The following MECOM variants were observed in gnomAD, a reference collection of about 807,000 sequenced individuals.
The protein encoded by MECOM is MDS1 and EVI1 complex locus.
A neutral mutation model predicts 116.3 loss-of-function variants in MECOM; 13 were observed. The observed-to-expected ratio is 0.11, with a 90% CI of 0.07 to 0.18. The LOEUF is 0.18. Ranked by LOEUF, MECOM falls within the 10% of genes least tolerant of loss-of-function variation. MECOM has a pLI of 1.00. For missense variants in MECOM, 1,299 were observed against 1,509.0 expected (o/e 0.86, Z 2.31); for synonymous variants, 528 against 535.2 (o/e 0.99, Z 0.19).
intron 1 of MECOM, among the ~76,000 whole-genome samples, chr3:169,415,900 A>C (rs1280320021): frequency 6.6e-6 from 1 of 152,182 alleles, no homozygotes; most frequent in Non-Finnish European, 1.5e-5. Flanking sequence ...CTACAAAGAG[A>C]CTTAGACTCC....
chr3:169,135,849 T>C (rs1353976483), intron 3 of MECOM, among the ~76,000 whole-genome samples: 1 of 151,900 alleles, frequency 6.6e-6, no homozygotes, highest in African/African-American at 2.4e-5. Context: ...AACAGATTTC[T>C]TCATGTTCTT....
At chr3:169,391,286 G>A (rs1447755591) in intron 1 of MECOM, among the ~76,000 whole-genome samples, 1 of 152,122 alleles carries the variant, frequency 6.6e-6, no homozygotes, top group Admixed American at 6.6e-5. Context: ...GTTCTCACAA[G>A]GTTTGGTAAC....
chr3:169,169,308 A>G (rs996122868), intron 2 of MECOM, among the ~76,000 whole-genome samples: 2 of 152,220 alleles, frequency 1.3e-5, no homozygotes, highest in Admixed American at 6.5e-5. Context: ...AGTAGAAGAA[A>G]GACTTGAAAC....
intron 2 of MECOM, among the ~76,000 whole-genome samples, chr3:169,231,384 T>G (rs1753373277): frequency 6.6e-6 from 1 of 152,106 alleles, no homozygotes. Context: ...GAACTTATAT[T>G]CTGGCAGGAC....
chr3:169,238,105 G>T (rs1754323038), intron 2 of MECOM, among the ~76,000 whole-genome samples: 1 of 149,076 alleles, frequency 6.7e-6, no homozygotes, highest in Admixed American at 6.8e-5. Flanking sequence ...AACCCAGGGG[G>T]CAAAGGTTGG....
intron 2 of MECOM, among the ~76,000 whole-genome samples, chr3:169,245,998 A>G (rs2149567608): frequency 6.6e-6 from 1 of 152,264 alleles, no homozygotes; most frequent in Non-Finnish European, 1.5e-5. Context: ...ATTTCTCTTT[A>G]GAGTTAATGG....
intron 2 of MECOM, among the ~76,000 whole-genome samples, chr3:169,171,141 A>G (rs1402849709): frequency 2.6e-5 from 4 of 152,180 alleles, no homozygotes; most frequent in African/African-American, 9.6e-5. Context: ...ATACATACTA[A>G]TTTTCTATCA....
intron 5 of MECOM, among the ~76,000 whole-genome samples, chr3:169,126,627 A>G (rs952810215): frequency 1.3e-5 from 2 of 152,200 alleles, no homozygotes; most frequent in African/African-American, 4.8e-5. Context: ...TTACTCTCTA[A>G]TAGCTAAATT....
In MECOM at chr3:169,431,806, C is replaced by T. The variant is rs552243517; in HGVS notation, c.38-50282G>A. On this transcript the variant is annotated intron_variant, in intron 1 of 16. Coordinates refer to ENST00000651503, the MANE Select transcript of MECOM (RefSeq NM_004991.4). Reference sequence around the variant, plus strand: ...AAATGGCTAAGAGCATCCAGCATACCAGGTAAATGAGGTGTAAGGCAACAC... The same window carrying T: ...AAATGGCTAAGAGCATCCAGCATACTAGGTAAATGAGGTGTAAGGCAACAC... 2.0e-5 allele frequency among the ~76,000 whole-genome samples: 3 copies of T among 152,090 alleles called. No individual in the cohort carries two copies. In the South Asian group the frequency reaches 6.3e-4, roughly 32 times the overall value.
At chr3:169,503,336 T>C (rs1754779836) in intron 1 of MECOM, among the ~76,000 whole-genome samples, 1 of 152,160 alleles carries the variant, frequency 6.6e-6, no homozygotes, top group African/African-American at 2.4e-5. Context: ...TTGGACTCTA[T>C]GACAACTAGA....
intron 1 of MECOM, among the ~76,000 whole-genome samples, chr3:169,538,969 G>A (rs1284062675): frequency 6.6e-6 from 1 of 151,574 alleles, no homozygotes; most frequent in East Asian, 1.9e-4. Flanking sequence ...CTCAAGTCCT[G>A]TAAATTAGAC....
chr3:169,393,536 CA>C (rs1159396027), intron 1 of MECOM, among the ~76,000 whole-genome samples: 1 of 152,022 alleles, frequency 6.6e-6, no homozygotes, highest in African/African-American at 2.4e-5. Context: ...AAAGAATACC[CA>C]AAACTCACAT....
At chr3:169,494,456 T>C (rs1302560766) in intron 1 of MECOM, among the ~76,000 whole-genome samples, 1 of 152,188 alleles carries the variant, frequency 6.6e-6, no homozygotes, top group Non-Finnish European at 1.5e-5. Flanking sequence ...CCACAAGTTC[T>C]AACTGTTGAG....
At chr3:169,151,393 A>C (rs886923236) in intron 2 of MECOM, among the ~76,000 whole-genome samples, 2 of 152,348 alleles carry the variant, frequency 1.3e-5, no homozygotes, top group African/African-American at 2.4e-5. Context: ...TTTATAGAGG[A>C]AGGCACTTTA....
intron 1 of MECOM, among the ~76,000 whole-genome samples, chr3:169,450,082 A>T (rs1299973725): frequency 6.6e-6 from 1 of 152,214 alleles, no homozygotes; most frequent in African/African-American, 2.4e-5. Flanking sequence ...TGTCTAGGGA[A>T]TAAAGAATAT....
intron 10 of MECOM, among the ~76,000 whole-genome samples, chr3:169,105,973 T>C (rs1560156581): frequency 6.6e-6 from 1 of 152,168 alleles, no homozygotes; most frequent in Non-Finnish European, 1.5e-5. Context: ...CAGCCAATAA[T>C]TGATGACAAA....
chr3:169,352,513 AT>A (rs889525162), intron 2 of MECOM, among the ~76,000 whole-genome samples: 1 of 151,716 alleles, frequency 6.6e-6, no homozygotes, highest in African/African-American at 2.4e-5. Flanking sequence ...TCCTTGCAAT[AT>A]TTTTTTTCTG....
chr3:169,456,496 A>G (rs1273025059), intron 1 of MECOM, among the ~76,000 whole-genome samples: 1 of 152,210 alleles, frequency 6.6e-6, no homozygotes, highest in Non-Finnish European at 1.5e-5. Context: ...CAACAATAAT[A>G]TGGTAAATGG....
intron 1 of MECOM, among the ~76,000 whole-genome samples, chr3:169,619,435 C>A (rs1197397916): frequency 6.6e-6 from 1 of 152,202 alleles, no homozygotes; most frequent in Admixed American, 6.5e-5. Context: ...GGCCCTTCCC[C>A]TCCTGGGTGC....
Sources: allele counts gnomAD v4.1 joint callset (sites outside exome capture counted in the v4.1 genomes callset), GRCh38; gene constraint gnomAD v4.1.1; transcripts MANE v1.5; gene names NCBI Gene and HGNC (gene_info 2026-07-23, HGNC 2026-07-21).